Variants in PKD1L1 observed in about 807,000 individuals in gnomAD.
PKD1L1 encodes polycystin-1-like protein 1.
In PKD1L1, 236 loss-of-function variants were observed where a neutral mutation model predicts 323.4. That is an observed-to-expected ratio of 0.73 (90% CI 0.66 to 0.81). The LOEUF is 0.81. PKD1L1 is among the 40% of genes least tolerant of loss of function. The pLI is 0.00. For missense variants in PKD1L1, 3,320 were observed against 3,508.0 expected (o/e 0.95, Z 1.35); for synonymous variants, 1,344 against 1,335.0 (o/e 1.01, Z -0.15).
chr7:47,910,123 A>G (rs931373625), intron 8 of PKD1L1, among the ~76,000 whole-genome samples: 10 of 152,224 alleles, frequency 6.6e-5, no homozygotes, highest in Admixed American at 6.5e-4. Context: ...TGACAAGTAG[A>G]AAGTGAAATA....
intron 55 of PKD1L1, among the ~76,000 whole-genome samples, chr7:47,794,914 G>GCCAAT (rs935298577): frequency 3.3e-5 from 5 of 152,124 alleles, no homozygotes; most frequent in Non-Finnish European, 7.4e-5. Context: ...CTTGGTTTTG[G>GCCAAT]CCAATTTCTC....
At chr7:47,868,692 A>G (rs1786218881) in intron 24 of PKD1L1, among the ~76,000 whole-genome samples, 2 of 152,036 alleles carry the variant, frequency 1.3e-5, no homozygotes, top group Admixed American at 1.3e-4. Context: ...CCTGACCAAC[A>G]TGGAGAAATC....
intron 54 of PKD1L1, among the ~76,000 whole-genome samples, chr7:47,796,673 C>T (rs1217352230): frequency 6.6e-6 from 1 of 152,112 alleles, no homozygotes; most frequent in African/African-American, 2.4e-5. Context: ...CGAATTTTTA[C>T]ACATCCAATT....
upstream of PKD1L1, among the ~76,000 whole-genome samples, chr7:47,951,665 G>C (rs1450069113): frequency 6.6e-6 from 1 of 152,186 alleles, no homozygotes; most frequent in African/African-American, 2.4e-5. Context: ...TTCAGCAATT[G>C]TTCTCACATG....
intron 17 of PKD1L1, 34 bp from the exon 18 acceptor site, chr7:47,886,088 C>T (rs1323106545): frequency 6.4e-7 from 1 of 1,563,814 alleles, no homozygotes; most frequent in Non-Finnish European, 8.6e-7. Context: ...TAGAATTTTG[C>T]AGCAAAAATA....
chr7:47,905,084 G>A lies in PKD1L1; in HGVS notation c.1691+73C>T, dbSNP rs1433958507. The stretch of plus-strand genomic sequence containing the variant: ...CAGCCATAAAATGCCTTCGGTAGCA[G>A]CATGGTGATCTTCAGACTGAGTATA... On this transcript the variant is annotated intron_variant, in intron 11 of 56. Transcript: ENST00000289672. 8.0e-6 allele frequency: 12 copies of A among 1,503,378 alleles called. No homozygotes were observed. The East Asian group carries it at 2.5e-4, about 31-fold the overall frequency. The allele number at this position is 1,503,378 out of a possible 1,614,324, so 93.1% of individuals were successfully genotyped here. A position where few individuals can be genotyped will look rare whatever the true frequency, so the allele number is the denominator to read the frequency against.
chr7:47,832,592 G>A (rs981255678), intron 41 of PKD1L1, among the ~76,000 whole-genome samples: 5 of 152,166 alleles, frequency 3.3e-5, no homozygotes, highest in African/African-American at 1.2e-4. Flanking sequence ...TGTGGCTCTA[G>A]GATCCCAAAG....
At position 47,898,186 on chromosome 7, in the gene PKD1L1, C is replaced by T. The variant is rs749304906; in HGVS notation, c.2073G>A (p.Arg691=). The T allele has an allele frequency of 5.6e-6, 9 of 1,612,380 alleles. No homozygotes were observed. In the African/African-American group the frequency reaches 1.2e-4, roughly 22 times the overall value. The change falls in exon 14 of 57, where the codon AGG becomes AGA. Residue 691 remains arginine, a synonymous_variant. Transcript: ENST00000289672. ...TCACTCCCAGCCTCACAGGCTGAGACCTCCATATCTAAGTATCAAGAAGAG... is the reference window on the plus strand; with the variant it reads ...TCACTCCCAGCCTCACAGGCTGAGATCTCCATATCTAAGTATCAAGAAGAG... ...NMGPGKVQIW[R]SQPVRLGVTF... is the part of the protein sequence containing the mutation.
In PKD1L1 at chr7:47,940,298, C is replaced by A; in HGVS notation, c.180G>T (p.Val60=). ...CACACTTCCCATCACTCATAAGAAGCACATGATTAGCATAGACCTCTAGAG... is the reference window on the plus strand; with the variant it reads ...CACACTTCCCATCACTCATAAGAAGAACATGATTAGCATAGACCTCTAGAG... ...GLWVEVYANH[V]LLMSDGKCGC... The change falls in exon 3 of 57, where the codon GTG becomes GTT. Residue 60 remains valine, a synonymous_variant. Transcript: ENST00000289672. The A allele has an allele frequency of 6.2e-7, 1 of 1,613,080 alleles. No individual in the cohort carries two copies. Among genetic ancestry groups the A allele is most frequent in the Non-Finnish European group, 8.5e-7 (1 of 1,179,612 alleles).
intron 46 of PKD1L1, among the ~76,000 whole-genome samples, chr7:47,819,174 A>G (rs1785087233): frequency 6.6e-6 from 1 of 152,196 alleles, no homozygotes; most frequent in Non-Finnish European, 1.5e-5. Flanking sequence ...ATTACCAACC[A>G]GGATACTTGA....
rs1488336872 is a variant in PKD1L1 at position 47,940,456 on chromosome 7, T to C, written c.161-139A>G. The C allele has an allele frequency of 3.9e-6, 3 of 763,942 alleles. 1 individual carries two copies. The highest frequency in any genetic ancestry group is 6.2e-6 in the Non-Finnish European group (3 of 483,630). 47.3% of individuals were successfully genotyped at this position (763,942 alleles called of 1,614,324 possible). On this transcript the variant is annotated intron_variant, in intron 2 of 56. Coordinates refer to ENST00000289672, the MANE Select transcript of PKD1L1 (RefSeq NM_138295.5). ...ACAACGGGCTGATCATGAAGATGCG[T>C]GTCCTTGGGCTGCCGTGTCCTGCTG...
chr7:47,865,633 T>C (rs1241950775), intron 25 of PKD1L1, among the ~76,000 whole-genome samples: 3 of 151,068 alleles, frequency 2.0e-5, no homozygotes, highest in African/African-American at 7.3e-5. Flanking sequence ...TCGCCCAGGC[T>C]GGAGTGCAGT....
In PKD1L1 at chr7:47,813,040, G is replaced by T. The variant is rs990487767; in HGVS notation, c.7346+81C>A. On this transcript the variant is annotated intron_variant, in intron 49 of 56. Coordinates refer to ENST00000289672, the MANE Select transcript of PKD1L1 (RefSeq NM_138295.5). ...CTGTCAGGAGGCTGCACCTGCTGCAGATGCGCTGCGTCCAGCAGGCACCAG... is the reference window on the plus strand; with the variant it reads ...CTGTCAGGAGGCTGCACCTGCTGCATATGCGCTGCGTCCAGCAGGCACCAG... 2.2e-5 allele frequency: 33 copies of T among 1,517,042 alleles called. No individual in the cohort carries two copies. The Admixed American group carries it at 6.5e-4, about 30-fold the overall frequency. The allele number at this position is 1,517,042 out of a possible 1,614,324, so 94.0% of individuals were successfully genotyped here.
intron 26 of PKD1L1, among the ~76,000 whole-genome samples, chr7:47,861,126 G>A (rs1462187409): frequency 6.6e-6 from 1 of 152,184 alleles, no homozygotes; most frequent in Non-Finnish European, 1.5e-5. Context: ...CACCTGCTAC[G>A]GAATGTGTGT....
rs764408819 is a variant in PKD1L1, at chr7:47,940,322, A to AG, written c.161-6dup. Reference sequence around the variant, plus strand: ...GCACATGATTAGCATAGACCTCTAGAGAAAAAAAAAAAAGCAAACATTCTG... The same window carrying AG: ...GCACATGATTAGCATAGACCTCTAGAGGAAAAAAAAAAAAGCAAACATTCTG... On this transcript the variant is annotated splice_polypyrimidine_tract_variant and splice_region_variant and intron_variant, in intron 2 of 56. Transcript: ENST00000289672. 1.9e-5 allele frequency: 31 copies of AG among 1,607,918 alleles called. No homozygotes were observed. The highest frequency in any genetic ancestry group is 3.3e-5 in the South Asian group (3 of 89,884).
At chr7:47,829,961 A>G in intron 43 of PKD1L1, 79 bp downstream of exon 43, 1 of 1,367,592 alleles carries the variant, frequency 7.3e-7, no homozygotes, top group Non-Finnish European at 1.0e-6. Flanking sequence ...TACACAACCA[A>G]AATGAAGCCT....
At chr7:47,940,940 T>C (rs1182531454) in intron 2 of PKD1L1, among the ~76,000 whole-genome samples, 1 of 152,264 alleles carries the variant, frequency 6.6e-6, no homozygotes, top group Non-Finnish European at 1.5e-5. Context: ...AGCTGACAAC[T>C]GTTGCCAGCG....
intron 15 of PKD1L1, among the ~76,000 whole-genome samples, chr7:47,891,183 G>A (rs78640429): frequency 0.046 from 6,987 of 152,212 alleles, 385 homozygotes; most frequent in African/African-American, 0.14. Context: ...TGTGAGCCCA[G>A]TTTTAGGAAG....
chr7:47,934,421 C>A (rs576352708), intron 4 of PKD1L1, among the ~76,000 whole-genome samples: 9 of 152,236 alleles, frequency 5.9e-5, no homozygotes, highest in Non-Finnish European at 1.0e-4. Context: ...GTACTTCCAA[C>A]GGCATGTCAA....
Sources: gnomAD v4.1 joint callset for allele counts (sites outside exome capture counted in the v4.1 genomes callset) on GRCh38, gnomAD v4.1.1 for gene constraint, MANE v1.5 for transcripts, NCBI Gene and HGNC (gene_info 2026-07-23, HGNC 2026-07-21) for gene names.